Variants in DLG1 observed in about 807,000 individuals in gnomAD.
DLG1 encodes the protein disks large homolog 1.
A neutral mutation model predicts 123.4 loss-of-function variants in DLG1; 42 were observed. That is an observed-to-expected ratio of 0.34 (90% CI 0.27 to 0.44). The LOEUF (loss-of-function observed/expected upper bound fraction) is 0.44, where lower values mean the gene tolerates loss of function less well. DLG1 is among the 20% of genes least tolerant of loss of function. The pLI is 1.00. For synonymous variants in DLG1, 317 were observed against 356.2 expected, an observed-to-expected ratio of 0.89 and a Z score of 1.24; for missense variants, 942 against 1,082.6, an observed-to-expected ratio of 0.87 and a Z score of 1.82.
intron 14 of DLG1, among the ~76,000 whole-genome samples, chr3:197,099,343 C>T (rs1762260078): frequency 6.6e-6 from 1 of 152,180 alleles, no homozygotes; most frequent in African/African-American, 2.4e-5. Flanking sequence ...AACCACTACA[C>T]CTATTTTCTT....
chr3:197,274,618 G>T (rs1318144520), intron 4 of DLG1, among the ~76,000 whole-genome samples: 4 of 152,098 alleles, frequency 2.6e-5, no homozygotes, highest in African/African-American at 9.7e-5. Context: ...AGCAAAAATA[G>T]GTAAATGAGA....
At chr3:197,138,610 T>C (rs111893030) in intron 8 of DLG1, among the ~76,000 whole-genome samples, 1,634 of 151,944 alleles carry the variant, frequency 0.011, 32 homozygotes, top group African/African-American at 0.037. Flanking sequence ...AAAGAAATAG[T>C]GAAAATAATA....
intron 14 of DLG1, among the ~76,000 whole-genome samples, chr3:197,093,558 C>T (rs1368439863): frequency 9.8e-6 from 1 of 102,548 alleles, no homozygotes; most frequent in Non-Finnish European, 2.1e-5. Context: ...AAGATGTCAT[C>T]CACGCTTTTT....
chr3:197,119,624 C>G (rs949663550), intron 11 of DLG1, 94 bp from the exon 12 acceptor site: 5 of 1,155,202 alleles, frequency 4.3e-6, no homozygotes, highest in Non-Finnish European at 4.6e-6. Context: ...TATATGCACT[C>G]CTTTATATAT....
At chr3:197,292,586 A>G (rs1409186349) in intron 3 of DLG1, among the ~76,000 whole-genome samples, 1 of 152,230 alleles carries the variant, frequency 6.6e-6, no homozygotes, top group Non-Finnish European at 1.5e-5. Context: ...GATGGTGAAG[A>G]TGGCAAAGGG....
intron 19 of DLG1, among the ~76,000 whole-genome samples, chr3:197,068,996 T>C (rs1578468210): frequency 7.6e-6 from 1 of 130,880 alleles, no homozygotes; most frequent in South Asian, 2.4e-4. Flanking sequence ...ATGTATCATG[T>C]ACACAAATAA....
intron 7 of DLG1, among the ~76,000 whole-genome samples, chr3:197,142,248 A>C (rs1174750334): frequency 6.6e-6 from 1 of 152,194 alleles, no homozygotes; most frequent in Non-Finnish European, 1.5e-5. Context: ...AAGCAAGAAA[A>C]ATCTGAGAAA....
chr3:197,266,608 G>A (rs1449942773), intron 4 of DLG1, among the ~76,000 whole-genome samples: 1 of 151,990 alleles, frequency 6.6e-6, no homozygotes, highest in African/African-American at 2.4e-5. Flanking sequence ...GCAAGACCCT[G>A]TCTCCAAAAA....
At chr3:197,187,716 G>A (rs1716911058) in intron 5 of DLG1, among the ~76,000 whole-genome samples, 1 of 152,074 alleles carries the variant, frequency 6.6e-6, no homozygotes, top group Non-Finnish European at 1.5e-5. Flanking sequence ...AAAGGCTGAG[G>A]TTTTTATTTG....
intron 7 of DLG1, among the ~76,000 whole-genome samples, chr3:197,141,436 T>TA (rs1787926791): frequency 1.3e-5 from 2 of 152,226 alleles, no homozygotes; most frequent in Admixed American, 1.3e-4. Flanking sequence ...AGTACATTAA[T>TA]ACTGTGCTTA....
chr3:197,091,514 T>C (rs1377014738), intron 14 of DLG1, among the ~76,000 whole-genome samples: 1 of 151,982 alleles, frequency 6.6e-6, no homozygotes, highest in East Asian at 1.9e-4. Context: ...AAGGGAAAAA[T>C]ATGCCTTAAA....
intron 5 of DLG1, among the ~76,000 whole-genome samples, chr3:197,176,876 AC>A (rs1372102884): frequency 6.6e-6 from 1 of 152,086 alleles, no homozygotes; most frequent in African/African-American, 2.4e-5. Context: ...AGCTTATATA[AC>A]CATTGTAACC....
chr3:197,086,201 T>C (rs1754256229), intron 15 of DLG1, among the ~76,000 whole-genome samples: 1 of 152,236 alleles, frequency 6.6e-6, no homozygotes, highest in African/African-American at 2.4e-5. Context: ...GACTATTCTG[T>C]CCATTAATTA....
At chr3:197,258,249 G>T (rs796587373) in intron 4 of DLG1, among the ~76,000 whole-genome samples, 7 of 152,066 alleles carry the variant, frequency 4.6e-5, no homozygotes, top group African/African-American at 1.7e-4. Context: ...AATCAGAAAA[G>T]GAATACAGAG....
intron 4 of DLG1, among the ~76,000 whole-genome samples, chr3:197,225,191 C>CT (rs1172232561): frequency 6.6e-6 from 1 of 152,244 alleles, no homozygotes; most frequent in African/African-American, 2.4e-5. Flanking sequence ...ATCTCCTGAC[C>CT]TCATGATCTA....
chr3:197,121,835 A>T (rs907586223), intron 11 of DLG1, among the ~76,000 whole-genome samples: 6 of 151,586 alleles, frequency 4.0e-5, no homozygotes, highest in Non-Finnish European at 8.8e-5. Flanking sequence ...AAAAAAAAAA[A>T]AAAAAAAAAT....
intron 4 of DLG1, among the ~76,000 whole-genome samples, chr3:197,241,756 C>T (rs1748994928): frequency 6.6e-6 from 1 of 152,102 alleles, no homozygotes; most frequent in Non-Finnish European, 1.5e-5. Context: ...CTTTTGTGAT[C>T]TAAGATAAGT....
chr3:197,250,822 T>G lies in DLG1; in HGVS notation c.318+31857A>C, dbSNP rs568310451. ...CAGCCTGGACAACATAGTGAAACCC[T>G]GTCTCTACCAAAAATACAAACATTA... On this transcript the variant is annotated intron_variant, in intron 4 of 24. Coordinates refer to ENST00000667157, the MANE Select transcript of DLG1 (RefSeq NM_001366207.1). Among the ~76,000 whole-genome samples the G allele has an allele frequency of 4.0e-5, 6 of 148,294 alleles. No homozygotes were observed. The East Asian group carries it at 1.0e-3, about 26-fold the overall frequency.
chr3:197,258,139 A>C (rs896682103), intron 4 of DLG1, among the ~76,000 whole-genome samples: 1 of 151,954 alleles, frequency 6.6e-6, no homozygotes, highest in Non-Finnish European at 1.5e-5. Context: ...AAAATATCTA[A>C]ATCCAGAAGA....
Sources: gnomAD v4.1 joint callset for allele counts (sites outside exome capture counted in the v4.1 genomes callset) on GRCh38, gnomAD v4.1.1 for gene constraint, MANE v1.5 for transcripts, NCBI Gene and HGNC (gene_info 2026-07-23, HGNC 2026-07-21) for gene names.